The following DNAH7 variants were observed in gnomAD, a reference collection of about 807,000 sequenced individuals.
DNAH7 encodes axonemal beta dynein heavy chain 7.
In DNAH7, 397 loss-of-function variants were observed where a neutral mutation model predicts 444.6. That is an observed-to-expected ratio of 0.89 (90% CI 0.82 to 0.97). DNAH7 has a LOEUF of 0.97. Ranked by LOEUF, DNAH7 falls within the 50% of genes least tolerant of loss-of-function variation. The pLI is 0.00. For missense variants in DNAH7, 4,902 were observed against 4,800.8 expected (o/e 1.02, Z -0.62); for synonymous variants, 1,636 against 1,624.4 (o/e 1.01, Z -0.17).
chr2:196,042,274 T>C (rs532729796), intron 5 of DNAH7, among the ~76,000 whole-genome samples: 32 of 152,098 alleles, frequency 2.1e-4, no homozygotes, highest in African/African-American at 7.0e-4. Context: ...AATAAGTATA[T>C]CAAAGAGTTA....
chr2:195,826,157 C>G (rs1697736971), intron 48 of DNAH7, among the ~76,000 whole-genome samples: 2 of 152,254 alleles, frequency 1.3e-5, no homozygotes, highest in South Asian at 4.2e-4. Context: ...CTTAATCAGG[C>G]TGGAGCCCTA....
At position 195,888,779 on chromosome 2, in the gene DNAH7, T is replaced by C; in HGVS notation, c.5229+20A>G. The C allele has an allele frequency of 1.3e-6, 2 of 1,597,910 alleles. No homozygotes were observed. The highest frequency in any genetic ancestry group is 2.2e-5 in the East Asian group (1 of 44,734). On this transcript the variant is annotated intron_variant, in intron 32 of 64. Coordinates refer to ENST00000312428, the MANE Select transcript of DNAH7 (RefSeq NM_018897.3). ...TAACATTTTATAATTTATAAAAAGATGTCAAAATGGAGAACTTACAGTGGC... is the reference window on the plus strand; with the variant it reads ...TAACATTTTATAATTTATAAAAAGACGTCAAAATGGAGAACTTACAGTGGC...
At chr2:195,873,520 A>G (rs1574631012) in intron 39 of DNAH7, 48 bp downstream of exon 39, 1 of 1,124,066 alleles carries the variant, frequency 8.9e-7, no homozygotes, top group Non-Finnish European at 1.2e-6. Flanking sequence ...TGTTTCTAAA[A>G]TATTTTATAC....
At chr2:196,045,457 G>A (rs1389037295) in intron 5 of DNAH7, among the ~76,000 whole-genome samples, 1 of 152,026 alleles carries the variant, frequency 6.6e-6, no homozygotes, top group African/African-American at 2.4e-5. Flanking sequence ...ACCCAGAAAT[G>A]AGGAGTGGAA....
intron 49 of DNAH7, 151 bp downstream of exon 49, chr2:195,824,104 T>G: frequency 3.1e-6 from 2 of 644,942 alleles, no homozygotes; most frequent in Non-Finnish European, 4.8e-6. Flanking sequence ...AATGCAACAT[T>G]TGGAAATTAT....
intron 19 of DNAH7, among the ~76,000 whole-genome samples, chr2:195,956,857 C>G (rs1165251818): frequency 6.6e-6 from 1 of 151,958 alleles, no homozygotes; most frequent in Non-Finnish European, 1.5e-5. Context: ...TAGGTCCCTA[C>G]CAGAAACATG....
chr2:195,791,682 GA>G (rs754486799), intron 57 of DNAH7, among the ~76,000 whole-genome samples: 1 of 152,308 alleles, frequency 6.6e-6, no homozygotes, highest in East Asian at 1.9e-4. Flanking sequence ...ACTGGATTAA[GA>G]AAATGTAGTA....
intron 42 of DNAH7, among the ~76,000 whole-genome samples, chr2:195,860,166 A>G (rs912695064): frequency 7.9e-5 from 12 of 152,172 alleles, no homozygotes; most frequent in African/African-American, 2.9e-4. Context: ...TGAACTTATA[A>G]CTTTGTAACT....
intron 9 of DNAH7, among the ~76,000 whole-genome samples, chr2:196,017,051 A>G (rs1356949596): frequency 6.6e-6 from 1 of 152,118 alleles, no homozygotes; most frequent in Non-Finnish European, 1.5e-5. Flanking sequence ...CTGTCACCCA[A>G]GCTGGAGTGC....
rs370289664 is a variant in DNAH7 at position 195,936,715 on chromosome 2, G to A, written c.3156C>T (p.Leu1052=). ...RLKKSNELLE[L]ILKGLNEYLE... ...AATATTCATTAAGTCCTTTAAGAATGAGCTCCAAAAGTTCATTAGATTTTT... is the reference window on the plus strand; with the variant it reads ...AATATTCATTAAGTCCTTTAAGAATAAGCTCCAAAAGTTCATTAGATTTTT... Residue 1052 remains leucine (L), a synonymous_variant, in exon 20 of 65, where the codon CTC becomes CTT. Transcript: ENST00000312428. 72 of 1,590,628 alleles carry A rather than the reference G, an allele frequency of 4.5e-5. No individual in the cohort carries two copies. The highest frequency in any genetic ancestry group is 5.7e-5 in the Non-Finnish European group (66 of 1,167,782).
chr2:195,939,615 G>T (rs1356121745), intron 19 of DNAH7, among the ~76,000 whole-genome samples: 3 of 152,022 alleles, frequency 2.0e-5, no homozygotes, highest in Admixed American at 6.6e-5. Context: ...TCTCCTAAAG[G>T]GGAAGAATTG....
chr2:196,000,530 T>C (rs939372463), intron 12 of DNAH7, among the ~76,000 whole-genome samples, 174 bp downstream of exon 12: 5 of 152,170 alleles, frequency 3.3e-5, no homozygotes, highest in African/African-American at 1.2e-4. Context: ...ACTAGGAAAG[T>C]AGGTATATTT....
chr2:195,866,880 G>A (rs967550476), intron 40 of DNAH7, among the ~76,000 whole-genome samples: 34 of 152,056 alleles, frequency 2.2e-4, no homozygotes, highest in Admixed American at 2.0e-3. Context: ...GGTCTTTCCC[G>A]TGCTGTTCTT....
chr2:196,041,003 A>C (rs900587186), intron 5 of DNAH7, among the ~76,000 whole-genome samples: 2 of 152,052 alleles, frequency 1.3e-5, no homozygotes, highest in African/African-American at 2.4e-5. Context: ...TTTAATCAAA[A>C]AGTGAAAGAT....
At chr2:196,005,463 T>C (rs538563516) in intron 10 of DNAH7, among the ~76,000 whole-genome samples, 5 of 152,136 alleles carry the variant, frequency 3.3e-5, no homozygotes, top group African/African-American at 7.2e-5. Flanking sequence ...CATGAACTTA[T>C]AGTTAAACTG....
chr2:195,956,826 T>C lies in DNAH7; in HGVS notation c.3078+435A>G, dbSNP rs74350386. ...TTATTGGACTTTTTAGATATATTTA[T>C]CCTTGCAACTCATCTTTTTTTAGGT... On this transcript the variant is annotated intron_variant, in intron 19 of 64. Transcript: ENST00000312428. 9.1e-3 allele frequency among the ~76,000 whole-genome samples: 1,389 copies of C among 152,286 alleles called. 42 individuals carry two copies. Among genetic ancestry groups the C allele is most frequent in the East Asian group, 0.086 (446 of 5,182 alleles).
At chr2:196,055,030 T>C (rs116675262) in intron 2 of DNAH7, among the ~76,000 whole-genome samples, 2,368 of 152,272 alleles carry the variant, frequency 0.016, 51 homozygotes, top group African/African-American at 0.053. Context: ...AAACTGACTT[T>C]AAAGTCATTT....
rs563444577 is a variant in DNAH7 at position 195,807,302 on chromosome 2, G to A, written c.10084-470C>T. 2.0e-5 allele frequency among the ~76,000 whole-genome samples: 3 copies of A among 151,958 alleles called. No individual in the cohort carries two copies. The South Asian group carries it at 6.2e-4, about 31-fold the overall frequency. ...CTCCTGAGTAACTGGGATTACAGTG[G>A]TGCACCACCATACCCAGCTAACTTT... On this transcript the variant is annotated intron_variant, in intron 53 of 64. Transcript: ENST00000312428.
At chr2:196,056,897 C>T (rs960468016) in intron 2 of DNAH7, among the ~76,000 whole-genome samples, 1 of 152,164 alleles carries the variant, frequency 6.6e-6, no homozygotes, top group African/African-American at 2.4e-5. Context: ...TTGTTCAACT[C>T]TAATCTTGTT....
Sources: allele counts gnomAD v4.1 joint callset (sites outside exome capture counted in the v4.1 genomes callset), GRCh38; gene constraint gnomAD v4.1.1; transcripts MANE v1.5; gene names NCBI Gene and HGNC (gene_info 2026-07-23, HGNC 2026-07-21).